Variants in MYO5B observed in about 807,000 individuals in gnomAD.
MYO5B encodes the protein unconventional myosin-Vb.
MYO5B carries 143 observed loss-of-function variants against 229.3 expected under a neutral mutation model. That is an observed-to-expected ratio of 0.62 (90% CI 0.54 to 0.72). The LOEUF is 0.72. Among genes scored for constraint, MYO5B ranks in the 30% least tolerant of loss-of-function variants. The pLI is 0.00. For missense variants in MYO5B, 2,321 were observed against 2,331.0 expected (o/e 1.00, Z 0.09); for synonymous variants, 918 against 885.2 (o/e 1.04, Z -0.66).
intron 1 of MYO5B, among the ~76,000 whole-genome samples, chr18:50,098,030 C>G (rs2031586881): frequency 6.6e-6 from 1 of 152,184 alleles, no homozygotes. Context: ...CAAGAATGAC[C>G]AACTTCTCAC....
At chr18:50,127,663 G>C (rs928565986) in intron 1 of MYO5B, among the ~76,000 whole-genome samples, 3 of 152,310 alleles carry the variant, frequency 2.0e-5, no homozygotes, top group Non-Finnish European at 4.4e-5. Flanking sequence ...ATTTAGGTGG[G>C]GCTTTAAAGA....
In MYO5B at chr18:49,999,170, ACTACT is replaced by A. The variant is rs1345583875; in HGVS notation, c.612+2080_612+2084del. Among the ~76,000 whole-genome samples the A allele has an allele frequency of 3.3e-5, 5 of 152,356 alleles. No individual in the cohort carries two copies. The East Asian group carries it at 7.7e-4, about 23-fold the overall frequency. On this transcript the variant is annotated intron_variant, in intron 5 of 39. Coordinates refer to ENST00000285039, the MANE Select transcript of MYO5B (RefSeq NM_001080467.3). ...CTTGTCTTTCGTTTTGCTCAGAATA[ACTACT>A]CTATTTCTAAAAGAAGTAGTACACT...
intron 1 of MYO5B, among the ~76,000 whole-genome samples, chr18:50,142,469 C>A (rs1482773422): frequency 6.6e-6 from 1 of 152,152 alleles, no homozygotes; most frequent in East Asian, 1.9e-4. Flanking sequence ...ACTTCCCAAC[C>A]AAAGTAGGAA....
In MYO5B at chr18:50,172,137, C is replaced by A. The variant is rs376903712; in HGVS notation, c.27+22630G>T. Among the ~76,000 whole-genome samples the A allele has an allele frequency of 4.6e-5, 7 of 152,060 alleles. No individual in the cohort carries two copies. In the South Asian group the frequency reaches 1.2e-3, roughly 27 times the overall value. On this transcript the variant is annotated intron_variant, in intron 1 of 39. Transcript: ENST00000285039. ...CTCTACAAAAACTTTAAAAATTAGC[C>A]AGGCATGGTGGCACACAACTGTAGT... is the stretch of plus-strand genomic sequence containing the variant.
At chr18:50,118,371 T>A (rs2032000842) in intron 1 of MYO5B, among the ~76,000 whole-genome samples, 2 of 152,212 alleles carry the variant, frequency 1.3e-5, no homozygotes, top group African/African-American at 4.8e-5. Context: ...CAGCCTTTAG[T>A]AACTTAAAGT....
In MYO5B at chr18:49,926,933, T is replaced by C. The variant is rs1030831601; in HGVS notation, c.2090+2579A>G. 7.2e-5 allele frequency among the ~76,000 whole-genome samples: 11 copies of C among 152,174 alleles called. No homozygotes were observed. The East Asian group carries it at 1.7e-3, about 24-fold the overall frequency. On this transcript the variant is annotated intron_variant, in intron 17 of 39. Coordinates refer to ENST00000285039, the MANE Select transcript of MYO5B (RefSeq NM_001080467.3). The stretch of plus-strand genomic sequence containing the variant: ...AAGCCACTCACAAAAGGACAAATAC[T>C]GTATTAATCCAATTATATGAGGTTC...
chr18:49,877,868 A>G lies in MYO5B; in HGVS notation c.3291T>C (p.His1097=). The part of the protein sequence containing the change: ...EMTIIKQTPG[H]RRNPSNQSSL... Reference sequence around the variant, plus strand: ...TACTTTGGTTTGATGGGTTCCGCCTATGACCTGGAGTTTGCTGTTCAACAA... The same window carrying G: ...TACTTTGGTTTGATGGGTTCCGCCTGTGACCTGGAGTTTGCTGTTCAACAA... Residue 1097 remains histidine, a synonymous_variant, in exon 25 of 40, where the codon CAT becomes CAC. Transcript: ENST00000285039. 1 of 1,614,132 alleles carries G rather than the reference A, an allele frequency of 6.2e-7. No individual in the cohort carries two copies. Among genetic ancestry groups the G allele is most frequent in the South Asian group, 1.1e-5 (1 of 91,084 alleles).
intron 39 of MYO5B, among the ~76,000 whole-genome samples, chr18:49,832,065 A>G (rs906530586): frequency 7.2e-5 from 11 of 152,216 alleles, no homozygotes. Context: ...GGAAGGGAGA[A>G]TATTATTTGC....
At chr18:49,898,084 A>G (rs1159380126) in intron 21 of MYO5B, among the ~76,000 whole-genome samples, 1 of 152,216 alleles carries the variant, frequency 6.6e-6, no homozygotes, top group African/African-American at 2.4e-5. Context: ...CCTAGGAACA[A>G]TAGGCTATGC....
chr18:50,040,028 A>T (rs1257875673), intron 3 of MYO5B, 115 bp downstream of exon 3: 1 of 1,175,814 alleles, frequency 8.5e-7, no homozygotes, highest in Non-Finnish European at 1.3e-6. Flanking sequence ...GTCTCAGTGG[A>T]GAGATACTTA....
At chr18:50,009,778 G>A (rs147768809) in intron 4 of MYO5B, among the ~76,000 whole-genome samples, 40 of 152,310 alleles carry the variant, frequency 2.6e-4, no homozygotes, top group South Asian at 1.2e-3. Context: ...GGGCTGGGCC[G>A]GAATGTTCCA....
chr18:49,932,034 C>G (rs1052700023), intron 16 of MYO5B, among the ~76,000 whole-genome samples: 3 of 152,244 alleles, frequency 2.0e-5, no homozygotes, highest in Non-Finnish European at 4.4e-5. Context: ...CCCACATGGG[C>G]TATGGGACCA....
At chr18:50,017,169 G>A (rs1431745891) in intron 4 of MYO5B, among the ~76,000 whole-genome samples, 1 of 152,132 alleles carries the variant, frequency 6.6e-6, no homozygotes, top group African/African-American at 2.4e-5. Flanking sequence ...CCAGACTGGA[G>A]TGCAGCGGCA....
At chr18:50,024,127 A>G (rs1243966484) in intron 4 of MYO5B, among the ~76,000 whole-genome samples, 2 of 152,220 alleles carry the variant, frequency 1.3e-5, no homozygotes, top group African/African-American at 2.4e-5. Flanking sequence ...TAATATGTGC[A>G]ATGACAAATG....
At chr18:50,042,530 A>G (rs1012667653) in intron 2 of MYO5B, among the ~76,000 whole-genome samples, 1 of 152,242 alleles carries the variant, frequency 6.6e-6, no homozygotes, top group East Asian at 1.9e-4. Context: ...CCAGTGAACA[A>G]TTAACTATCA....
At chr18:50,133,248 T>A (rs999043169) in intron 1 of MYO5B, among the ~76,000 whole-genome samples, 1 of 136,416 alleles carries the variant, frequency 7.3e-6, no homozygotes, top group African/African-American at 2.5e-5. Context: ...CTATTTTTGT[T>A]CTCTGTCTTC....
At chr18:49,858,630 C>T (rs761800672) in intron 29 of MYO5B, among the ~76,000 whole-genome samples, 5 of 152,234 alleles carry the variant, frequency 3.3e-5, no homozygotes, top group Admixed American at 1.3e-4. Context: ...GCACGCGAAG[C>T]TGACTCACAC....
intron 1 of MYO5B, among the ~76,000 whole-genome samples, chr18:50,193,717 G>T (rs574062947): frequency 6.6e-6 from 1 of 152,244 alleles, no homozygotes; most frequent in Admixed American, 6.5e-5. Context: ...CCAAGAAGAC[G>T]AACAGGAAAA....
intron 17 of MYO5B, among the ~76,000 whole-genome samples, chr18:49,921,483 T>G (rs187548353): frequency 1.3e-5 from 2 of 152,234 alleles, no homozygotes; most frequent in East Asian, 3.9e-4. Flanking sequence ...GGGCTTTATG[T>G]GCATAACAAT....
Sources: allele counts gnomAD v4.1 joint callset (sites outside exome capture counted in the v4.1 genomes callset), GRCh38; gene constraint gnomAD v4.1.1; transcripts MANE v1.5; gene names NCBI Gene and HGNC (gene_info 2026-07-23, HGNC 2026-07-21).